The following EPHB1 variants were observed in gnomAD, a reference collection of about 807,000 sequenced individuals.
The protein encoded by EPHB1 is EPH receptor B1, also known as ephrin type-B receptor 1.
In EPHB1, 30 loss-of-function variants were observed where a neutral mutation model predicts 94.4. The ratio of observed to expected loss-of-function variants is 0.32; its 90% CI spans 0.24 to 0.43. The LOEUF (loss-of-function observed/expected upper bound fraction) is 0.43, where lower values mean the gene tolerates loss of function less well. Ranked by LOEUF, EPHB1 falls within the 20% of genes least tolerant of loss-of-function variation. The pLI, the probability that EPHB1 is intolerant of heterozygous loss-of-function variation, is 1.00. For missense variants in EPHB1, 1,055 were observed against 1,308.3 expected, an observed-to-expected ratio of 0.81 and a Z score of 2.99; for synonymous variants, 522 against 489.1, an observed-to-expected ratio of 1.07 and a Z score of -0.89.
At chr3:134,857,617 G>A (rs556696477) in intron 1 of EPHB1, among the ~76,000 whole-genome samples, 56 of 152,186 alleles carry the variant, frequency 3.7e-4, no homozygotes, top group African/African-American at 1.2e-3. Context: ...GGTTACTCAC[G>A]GGAATAGAAA....
At chr3:134,952,748 T>C (rs1294949236) in intron 3 of EPHB1, among the ~76,000 whole-genome samples, 2 of 152,200 alleles carry the variant, frequency 1.3e-5, no homozygotes, top group Admixed American at 1.3e-4. Context: ...AATGTCAGGA[T>C]ACTGTGTGCT....
At chr3:135,038,238 C>A (rs1271991780) in intron 3 of EPHB1, among the ~76,000 whole-genome samples, 1 of 152,160 alleles carries the variant, frequency 6.6e-6, no homozygotes, top group Non-Finnish European at 1.5e-5. Context: ...TGACACATAT[C>A]CAAAGAAGAG....
chr3:135,037,170 T>C (rs1308681248), intron 3 of EPHB1, among the ~76,000 whole-genome samples: 4 of 151,448 alleles, frequency 2.6e-5, no homozygotes, highest in Non-Finnish European at 4.4e-5. Context: ...AAATAGAGGG[T>C]TTTCTGTGCA....
chr3:135,039,697 C>A (rs988698108), intron 3 of EPHB1, among the ~76,000 whole-genome samples: 4 of 152,236 alleles, frequency 2.6e-5, no homozygotes, highest in Non-Finnish European at 4.4e-5. Context: ...TTGCTCGGGG[C>A]CAGCAGGGCT....
At chr3:134,948,279 A>G (rs1394762246) in intron 2 of EPHB1, among the ~76,000 whole-genome samples, 3 of 135,988 alleles carry the variant, frequency 2.2e-5, no homozygotes, top group African/African-American at 6.1e-5. Flanking sequence ...CTGAGACCCA[A>G]CTGGAATAAT....
chr3:134,981,747 A>G (rs965329433), intron 3 of EPHB1, among the ~76,000 whole-genome samples: 11 of 152,204 alleles, frequency 7.2e-5, no homozygotes, highest in Non-Finnish European at 1.5e-5. Context: ...TTAGGTGCCA[A>G]GCATATGGAG....
At position 135,132,877 on chromosome 3, in the gene EPHB1, C is replaced by A. The variant is rs765401856; in HGVS notation, c.1125C>A (p.Asp375Glu). The A allele has an allele frequency of 1.9e-6, 3 of 1,613,936 alleles. No homozygotes were observed. Among genetic ancestry groups the A allele is most frequent in the Non-Finnish European group, 2.5e-6 (3 of 1,179,902 alleles). The change falls in exon 5 of 16, where the codon GAC becomes GAA. Residue 375 changes from aspartate to glutamate, a missense_variant. Asp to Glu is a conservative substitution (Grantham distance 45). Transcript: ENST00000398015. ...GCCGGAGCTGCTCCCGCTGTGACGACAATGTGGAGTTTGTGCCCAGGCAGC... is the reference window on the plus strand; with the variant it reads ...GCCGGAGCTGCTCCCGCTGTGACGAAAATGTGGAGTTTGTGCCCAGGCAGC... The part of the protein sequence containing the change: ...ADRRSCSRCD[D>E]NVEFVPRQLG...
At chr3:135,001,550 T>A (rs1935177015) in intron 3 of EPHB1, among the ~76,000 whole-genome samples, 1 of 152,200 alleles carries the variant, frequency 6.6e-6, no homozygotes, top group African/African-American at 2.4e-5. Flanking sequence ...TTCATTAAAA[T>A]ATTTCCAAAG....
intron 3 of EPHB1, among the ~76,000 whole-genome samples, chr3:134,989,638 T>G (rs1934727989): frequency 6.6e-6 from 1 of 152,132 alleles, no homozygotes. Context: ...GGATGGCAAG[T>G]CAAAACTAAT....
intron 12 of EPHB1, among the ~76,000 whole-genome samples, chr3:135,215,725 A>G (rs575626158): frequency 1.4e-3 from 215 of 152,320 alleles, no homozygotes; most frequent in Admixed American, 4.0e-3. Context: ...TGGGGACCAG[A>G]GTTTCCTGGA....
chr3:134,933,387 A>T (rs185523544), intron 2 of EPHB1, among the ~76,000 whole-genome samples: 1 of 151,866 alleles, frequency 6.6e-6, no homozygotes, highest in Non-Finnish European at 1.5e-5. Context: ...AATCCCTCTC[A>T]TGCTCACTCT....
At chr3:135,029,763 G>C (rs994850653) in intron 3 of EPHB1, among the ~76,000 whole-genome samples, 22 of 151,840 alleles carry the variant, frequency 1.4e-4, no homozygotes, top group Non-Finnish European at 2.8e-4. Context: ...GAATCTGAAC[G>C]TTGGCCTGCC....
At chr3:135,062,972 C>T (rs1354336437) in intron 3 of EPHB1, among the ~76,000 whole-genome samples, 3 of 152,020 alleles carry the variant, frequency 2.0e-5, no homozygotes, top group African/African-American at 7.2e-5. Context: ...TTTTTGTTTG[C>T]TTTGTTGAAG....
At chr3:135,121,534 T>A (rs891308746) in intron 4 of EPHB1, among the ~76,000 whole-genome samples, 1 of 152,208 alleles carries the variant, frequency 6.6e-6, no homozygotes, top group Non-Finnish European at 1.5e-5. Flanking sequence ...CCGGCTTGCT[T>A]GGACTGTTGC....
intron 12 of EPHB1, among the ~76,000 whole-genome samples, chr3:135,219,017 A>G (rs1559879448): frequency 6.6e-6 from 1 of 152,106 alleles, no homozygotes; most frequent in Non-Finnish European, 1.5e-5. Context: ...GAGAGGAGGG[A>G]GTTGGAGGAG....
chr3:135,053,027 G>GTGTATATA (rs1256844091), intron 3 of EPHB1, among the ~76,000 whole-genome samples: 2 of 110,472 alleles, frequency 1.8e-5, no homozygotes. Flanking sequence ...GTGTGTGTGT[G>GTGTATATA]TATATATATA....
chr3:135,123,276 A>C (rs1940051050), intron 4 of EPHB1, among the ~76,000 whole-genome samples: 1 of 152,248 alleles, frequency 6.6e-6, no homozygotes, highest in African/African-American at 2.4e-5. Flanking sequence ...AGTGTTGGAA[A>C]GATAAGATTA....
chr3:135,126,594 C>G (rs935049845), intron 4 of EPHB1, among the ~76,000 whole-genome samples: 1 of 152,098 alleles, frequency 6.6e-6, no homozygotes, highest in Admixed American at 6.6e-5. Context: ...AGGTTCTGCC[C>G]CTTGGTAGAA....
At chr3:135,037,077 T>C (rs1248826601) in intron 3 of EPHB1, among the ~76,000 whole-genome samples, 1 of 152,136 alleles carries the variant, frequency 6.6e-6, no homozygotes, top group Non-Finnish European at 1.5e-5. Context: ...TGACCTGGGA[T>C]ATCGCCACCC....
Sources: allele counts gnomAD v4.1 joint callset (sites outside exome capture counted in the v4.1 genomes callset), GRCh38; gene constraint gnomAD v4.1.1; transcripts MANE v1.5; gene names NCBI Gene and HGNC (gene_info 2026-07-23, HGNC 2026-07-21).